IDO2: variants seen among roughly 807,000 people sequenced by gnomAD.
IDO2 encodes the protein indoleamine 2,3-dioxygenase 2.
IDO2 carries 46 observed loss-of-function variants against 45.1 expected under a neutral mutation model. The observed-to-expected ratio is 1.02, with a 90% CI of 0.80 to 1.30. The LOEUF (loss-of-function observed/expected upper bound fraction) is 1.30. Ranked by LOEUF, IDO2 falls within the 50% of genes most tolerant of loss-of-function variation. The pLI is 0.00. For synonymous variants in IDO2, 218 were observed against 184.9 expected (o/e 1.18, Z -1.45); for missense variants, 544 against 491.8 (o/e 1.11, Z -1.00).
chr8:39,966,921 T>C (rs1315606248), intron 3 of IDO2, among the ~76,000 whole-genome samples: 5 of 152,194 alleles, frequency 3.3e-5, no homozygotes, highest in African/African-American at 7.2e-5. Flanking sequence ...ATAAATAAGA[T>C]GATATTAGTG....
chr8:39,951,264 C>T (rs1807810311), intron 2 of IDO2, among the ~76,000 whole-genome samples: 1 of 137,420 alleles, frequency 7.3e-6, no homozygotes, highest in South Asian at 2.4e-4. Flanking sequence ...ACTGCAACAT[C>T]GGACCCCAAG....
In IDO2 at chr8:39,940,740, CT is replaced by C. The variant is rs369266518; in HGVS notation, c.-18+5523del. On this transcript the variant is annotated intron_variant, in intron 1 of 10. Coordinates refer to ENST00000502986, the Ensembl canonical transcript of IDO2. The stretch of plus-strand genomic sequence containing the variant: ...CAACCTCTCCCTGTCCCTCCTCCCC[CT>C]ATTCATCCCACCCTCTGGTAACCAC... 3.8e-3 allele frequency among the ~76,000 whole-genome samples: 575 copies of C among 152,168 alleles called. 3 individuals are homozygous for C. The highest frequency in any genetic ancestry group is 0.013 in the African/African-American group (545 of 41,522).
At chr8:40,015,584 C>A (rs1270954691) in exon 11 of IDO2, 15 of 1,611,598 alleles carry the variant, frequency 9.3e-6, no homozygotes, top group Non-Finnish European at 1.3e-5. Context: ...TGGAGTCAAT[C>A]CTTCACCCAC....
At chr8:40,002,064 G>T (rs188923167) in intron 8 of IDO2, among the ~76,000 whole-genome samples, 2 of 152,294 alleles carry the variant, frequency 1.3e-5, no homozygotes, top group African/African-American at 2.4e-5. Flanking sequence ...GGGATTATAG[G>T]TGTGAACCAC....
At chr8:40,009,568 C>T (rs1295274171) in intron 9 of IDO2, among the ~76,000 whole-genome samples, 1 of 152,050 alleles carries the variant, frequency 6.6e-6, no homozygotes, top group African/African-American at 2.4e-5. Flanking sequence ...AAAATAGTTC[C>T]TCTTTTTTCA....
intron 1 of IDO2, among the ~76,000 whole-genome samples, chr8:39,944,241 A>T (rs1585394640): frequency 6.7e-6 from 1 of 149,044 alleles, no homozygotes; most frequent in East Asian, 2.0e-4. Context: ...CCCCAGTGAG[A>T]TCTATGACCT....
At chr8:39,997,975 C>G (rs10099877) in intron 8 of IDO2, 108,789 of 228,922 alleles carry the variant, frequency 0.48, 26,899 homozygotes, top group South Asian at 0.55. Flanking sequence ...GACTGGCTAG[C>G]AAATGCCTAT....
chr8:39,994,272 T>TC (rs1274746863), intron 8 of IDO2, among the ~76,000 whole-genome samples: 2 of 151,684 alleles, frequency 1.3e-5, no homozygotes, highest in African/African-American at 4.8e-5. Context: ...CTTTTTTTTT[T>TC]TTGAGATGGA....
Position 39,965,537 on chromosome 8 carries a change from T to C in IDO2, c.195+1834T>C, listed in dbSNP as rs1443193957. On this transcript the variant is annotated intron_variant, in intron 3 of 10. Coordinates refer to ENST00000502986, the Ensembl canonical transcript of IDO2. Reference sequence around the variant, plus strand: ...AAATATATATATATTAAAATACAAATTTTTACTGGGTTTAATAGTGTCTTC... The same window carrying C: ...AAATATATATATATTAAAATACAAACTTTTACTGGGTTTAATAGTGTCTTC... Among the ~76,000 whole-genome samples, 3 of 150,046 alleles carry C rather than the reference T, an allele frequency of 2.0e-5. No homozygotes were observed. The South Asian group carries it at 6.4e-4, about 32-fold the overall frequency.
intron 8 of IDO2, among the ~76,000 whole-genome samples, chr8:39,991,081 C>T (rs577561955): frequency 6.8e-4 from 104 of 152,148 alleles, no homozygotes; most frequent in East Asian, 2.7e-3. Flanking sequence ...GGGAGAAAGA[C>T]GCTAGGTACT....
At chr8:39,985,001 G>A (rs537412989) in intron 5 of IDO2, 11 of 384,868 alleles carry the variant, frequency 2.9e-5, no homozygotes, top group East Asian at 2.5e-4. Context: ...GCATGATCTC[G>A]GCTCACTGCA....
At chr8:39,951,590 C>T (rs1375681030) in intron 2 of IDO2, among the ~76,000 whole-genome samples, 1 of 152,206 alleles carries the variant, frequency 6.6e-6, no homozygotes, top group Admixed American at 6.5e-5. Flanking sequence ...TCTGGTGCCA[C>T]CTCCACTAGA....
Position 39,946,075 on chromosome 8 carries a change from C to T in IDO2, c.-17-3074C>T, listed in dbSNP as rs561393461. On this transcript the variant is annotated intron_variant, in intron 1 of 10. Transcript: ENST00000502986. ...GGCTTAGGAGTCATACAGCTGGAGGCTACAAGATTCTGACTCTCCCTAAAC... is the reference window on the plus strand; with the variant it reads ...GGCTTAGGAGTCATACAGCTGGAGGTTACAAGATTCTGACTCTCCCTAAAC... Among the ~76,000 whole-genome samples the T allele has an allele frequency of 5.9e-5, 9 of 152,320 alleles. No homozygotes were observed. In the South Asian group the frequency reaches 1.9e-3, roughly 32 times the overall value.
At chr8:39,965,165 G>C (rs1410306436) in intron 3 of IDO2, among the ~76,000 whole-genome samples, 1 of 152,200 alleles carries the variant, frequency 6.6e-6, no homozygotes, top group African/African-American at 2.4e-5. Flanking sequence ...GGCTAAAATT[G>C]AGTGTGAAAT....
chr8:39,969,233 G>C (rs1167632818), intron 3 of IDO2, among the ~76,000 whole-genome samples: 3 of 152,142 alleles, frequency 2.0e-5, no homozygotes, highest in African/African-American at 7.2e-5. Flanking sequence ...CCAATAGTGT[G>C]TACGCATTTG....
rs911929115 is a variant in IDO2, at chr8:39,935,344, TC to T, written c.-18+129del. On this transcript the variant is annotated intron_variant, in intron 1 of 10. Transcript: ENST00000502986. ...CTATTGTAAAATTCCTAATTATGTT[TC>T]CCTAGAAATTGCAAAGTGCACATGT... 7 of 829,512 alleles carry T rather than the reference TC, an allele frequency of 8.4e-6. No individual in the cohort carries two copies. The Admixed American group carries it at 1.3e-4, about 16-fold the overall frequency. 51.4% of individuals were successfully genotyped at this position (829,512 alleles called of 1,614,324 possible).
At chr8:39,941,970 T>A (rs1233190452) in intron 1 of IDO2, among the ~76,000 whole-genome samples, 11 of 151,922 alleles carry the variant, frequency 7.2e-5, no homozygotes, top group Non-Finnish European at 1.5e-5. Context: ...ACACCTGTAG[T>A]CCCAGCTACT....
intron 4 of IDO2, among the ~76,000 whole-genome samples, chr8:39,981,518 C>T (rs1808351898): frequency 2.0e-5 from 3 of 152,174 alleles, no homozygotes; most frequent in African/African-American, 7.2e-5. Flanking sequence ...CCCAGCTGTG[C>T]CCTGGTAGTT....
chr8:39,965,370 C>A (rs1808069355), intron 3 of IDO2, among the ~76,000 whole-genome samples: 1 of 152,052 alleles, frequency 6.6e-6, no homozygotes, highest in African/African-American at 2.4e-5. Flanking sequence ...GCCTGTAGTC[C>A]CAGCTATTTG....
Sources: allele counts gnomAD v4.1 joint callset (sites outside exome capture counted in the v4.1 genomes callset), GRCh38; gene constraint gnomAD v4.1.1; transcripts MANE v1.5; gene names NCBI Gene and HGNC (gene_info 2026-07-23, HGNC 2026-07-21).